The following TENM4 variants were observed in gnomAD, a reference collection of about 807,000 sequenced individuals.
The protein encoded by TENM4 is teneurin-4.
A neutral mutation model predicts 243.3 loss-of-function variants in TENM4; 82 were observed. That is an observed-to-expected ratio of 0.34 (90% CI 0.28 to 0.40). The LOEUF (loss-of-function observed/expected upper bound fraction) is 0.40. TENM4 is among the 10% of genes least tolerant of loss of function. The pLI is 1.00. For missense variants in TENM4, 3,138 were observed against 3,673.3 expected, an observed-to-expected ratio of 0.85 and a Z score of 3.77; for synonymous variants, 1,412 against 1,456.3, an observed-to-expected ratio of 0.97 and a Z score of 0.69.
chr11:79,079,894 G>A (rs1235759325), intron 4 of TENM4, among the ~76,000 whole-genome samples: 4 of 151,336 alleles, frequency 2.6e-5, no homozygotes, highest in Non-Finnish European at 5.9e-5. Context: ...TCAAAGGTCA[G>A]CTGATTCAAG....
At chr11:79,237,400 G>C (rs1399539638) in intron 2 of TENM4, among the ~76,000 whole-genome samples, 4 of 152,236 alleles carry the variant, frequency 2.6e-5, no homozygotes, top group African/African-American at 4.8e-5. Flanking sequence ...CATAGGGCCT[G>C]GCATGGTGGC....
At chr11:79,357,572 G>C in intron 1 of TENM4, among the ~76,000 whole-genome samples, 1 of 152,236 alleles carries the variant, frequency 6.6e-6, no homozygotes, top group East Asian at 1.9e-4. Context: ...TGAACATGGT[G>C]GTACCCCAAC....
intron 6 of TENM4, among the ~76,000 whole-genome samples, chr11:79,041,505 A>AAG (rs1365432170): frequency 6.8e-6 from 1 of 147,994 alleles, no homozygotes. Flanking sequence ...AAAAAAAAAA[A>AAG]AAATCGAAGA....
At chr11:79,163,986 AGT>A (rs1491306704) in intron 3 of TENM4, among the ~76,000 whole-genome samples, 8 of 123,770 alleles carry the variant, frequency 6.5e-5, no homozygotes, top group Non-Finnish European at 1.3e-4. Flanking sequence ...GTGTATATAT[AGT>A]GTATATATAG....
At chr11:79,004,703 G>A (rs1282128957) in intron 6 of TENM4, among the ~76,000 whole-genome samples, 2 of 151,898 alleles carry the variant, frequency 1.3e-5, no homozygotes, top group East Asian at 1.9e-4. Context: ...AGAGAAACAA[G>A]AGCAAACCAA....
chr11:79,231,278 A>G (rs1319625987), intron 2 of TENM4, among the ~76,000 whole-genome samples: 1 of 152,202 alleles, frequency 6.6e-6, no homozygotes, highest in Non-Finnish European at 1.5e-5. Flanking sequence ...GTTATTCAAG[A>G]AATATGTTAA....
chr11:78,689,516 G>A (rs1373159334), intron 28 of TENM4, among the ~76,000 whole-genome samples: 1 of 151,880 alleles, frequency 6.6e-6, no homozygotes, highest in South Asian at 2.1e-4. Context: ...CTGGGGTAAA[G>A]CTGGCCCCTG....
At chr11:78,683,768 G>A (rs960766826) in intron 29 of TENM4, among the ~76,000 whole-genome samples, 2 of 152,098 alleles carry the variant, frequency 1.3e-5, no homozygotes, top group South Asian at 2.1e-4. Flanking sequence ...GCTGTAGACC[G>A]GAGCTGTTCC....
At chr11:78,785,417 G>T (rs1250138298) in intron 16 of TENM4, among the ~76,000 whole-genome samples, 1 of 152,174 alleles carries the variant, frequency 6.6e-6, no homozygotes, top group Non-Finnish European at 1.5e-5. Context: ...AGGAGGGACA[G>T]GAGCAGATGC....
At chr11:79,319,710 C>T (rs752570492) in intron 1 of TENM4, among the ~76,000 whole-genome samples, 1 of 151,874 alleles carries the variant, frequency 6.6e-6, no homozygotes, top group Non-Finnish European at 1.5e-5. Flanking sequence ...AACTAGATAC[C>T]TAACGTGAGC....
intron 2 of TENM4, among the ~76,000 whole-genome samples, chr11:79,282,875 C>G (rs1391690310): frequency 1.3e-5 from 2 of 151,980 alleles, no homozygotes; most frequent in Admixed American, 6.6e-5. Context: ...AGGCTGGGTC[C>G]CCAGTATTAA....
chr11:79,019,995 AC>A (rs1182475489), intron 6 of TENM4, among the ~76,000 whole-genome samples: 1 of 152,124 alleles, frequency 6.6e-6, no homozygotes, highest in African/African-American at 2.4e-5. Flanking sequence ...ATATCCCACC[AC>A]CCTGCCAGCC....
Position 78,848,270 on chromosome 11 carries a change from T to C in TENM4, c.1681+5834A>G, listed in dbSNP as rs76863878. Among the ~76,000 whole-genome samples, 702 of 152,282 alleles carry C rather than the reference T, an allele frequency of 4.6e-3. 3 individuals carry two copies. Among genetic ancestry groups the C allele is most frequent in the Middle Eastern group, 0.01 (3 of 294 alleles). On this transcript the variant is annotated intron_variant, in intron 12 of 33. Coordinates refer to ENST00000278550, the MANE Select transcript of TENM4 (RefSeq NM_001098816.3). ...GATAGACCTCTAGCTCTAATCATTTTATTCCCTTGCTCAAAAGCCTGCGAT... is the reference window on the plus strand; with the variant it reads ...GATAGACCTCTAGCTCTAATCATTTCATTCCCTTGCTCAAAAGCCTGCGAT...
At chr11:79,352,903 G>A (rs538579118) in intron 1 of TENM4, among the ~76,000 whole-genome samples, 16 of 152,268 alleles carry the variant, frequency 1.1e-4, no homozygotes, top group Admixed American at 1.3e-4. Context: ...CAGTGTGAGG[G>A]AAAGAGAGGT....
intron 1 of TENM4, among the ~76,000 whole-genome samples, chr11:79,425,937 A>T (rs1031225947): frequency 6.6e-6 from 1 of 152,192 alleles, no homozygotes; most frequent in African/African-American, 2.4e-5. Context: ...AATGTGCTGT[A>T]AATTATAGGT....
Position 79,336,935 on chromosome 11 carries a change from C to T in TENM4, c.-320-39392G>A, listed in dbSNP as rs142163141. ...GTAATTTCCAAGGCTGAGACCCAGC[C>T]CCACTCAGGGGCACAGCATGGAACC... On this transcript the variant is annotated intron_variant, in intron 1 of 33. Transcript: ENST00000278550. Among the ~76,000 whole-genome samples the T allele has an allele frequency of 6.0e-3, 918 of 152,230 alleles. 11 individuals are homozygous for T. Among genetic ancestry groups the T allele is most frequent in the African/African-American group, 0.021 (867 of 41,534 alleles).
Position 79,306,470 on chromosome 11 carries a change from C to T in TENM4, c.-320-8927G>A, listed in dbSNP as rs188374189. ...AAGGTGTGTGGGGAAAGTGCTGTTGCCTGTGGTGGCTAGACCACAGTAAGG... is the reference window on the plus strand; with the variant it reads ...AAGGTGTGTGGGGAAAGTGCTGTTGTCTGTGGTGGCTAGACCACAGTAAGG... On this transcript the variant is annotated intron_variant, in intron 1 of 33. Coordinates refer to ENST00000278550, the MANE Select transcript of TENM4 (RefSeq NM_001098816.3). 1.9e-4 allele frequency among the ~76,000 whole-genome samples: 29 copies of T among 152,134 alleles called. No individual in the cohort carries two copies. In the East Asian group the frequency reaches 5.6e-3, roughly 29 times the overall value.
At chr11:78,751,532 G>T (rs768979839) in intron 19 of TENM4, among the ~76,000 whole-genome samples, 1 of 152,140 alleles carries the variant, frequency 6.6e-6, no homozygotes, top group Non-Finnish European at 1.5e-5. Context: ...TCCTCTCTGG[G>T]TGGTTGTAAT....
intron 4 of TENM4, among the ~76,000 whole-genome samples, chr11:79,081,801 C>A (rs1860682198): frequency 6.6e-6 from 1 of 152,014 alleles, no homozygotes; most frequent in African/African-American, 2.4e-5. Flanking sequence ...CTGTTTTTAT[C>A]CCCCCAGCCC....
Sources: gnomAD v4.1 joint callset for allele counts (sites outside exome capture counted in the v4.1 genomes callset) on GRCh38, gnomAD v4.1.1 for gene constraint, MANE v1.5 for transcripts, NCBI Gene and HGNC (gene_info 2026-07-23, HGNC 2026-07-21) for gene names.